PRKG1: variants seen among roughly 807,000 people sequenced by gnomAD.
The protein encoded by PRKG1 is cGMP-dependent protein kinase 1.
A neutral mutation model predicts 88.1 loss-of-function variants in PRKG1; 35 were observed. That is an observed-to-expected ratio of 0.40 (90% CI 0.30 to 0.53). PRKG1 has a LOEUF of 0.53. PRKG1 is among the 20% of genes least tolerant of loss of function. PRKG1 has a pLI of 0.59. For synonymous variants in PRKG1, 303 were observed against 292.5 expected (o/e 1.04, Z -0.37); for missense variants, 540 against 839.8 (o/e 0.64, Z 4.41).
intron 2 of PRKG1, among the ~76,000 whole-genome samples, chr10:51,429,332 A>G (rs530661339): frequency 6.6e-6 from 1 of 152,326 alleles, no homozygotes; most frequent in South Asian, 2.1e-4. Flanking sequence ...ATCACTGCCA[A>G]CAATAAAATA....
intron 10 of PRKG1, among the ~76,000 whole-genome samples, chr10:52,263,886 A>G (rs974243692): frequency 1.3e-5 from 2 of 152,002 alleles, no homozygotes; most frequent in Non-Finnish European, 2.9e-5. Context: ...TCTACTTTCT[A>G]TCTCTCAAGA....
At chr10:51,163,637 C>A (rs1360679564) in intron 2 of PRKG1, among the ~76,000 whole-genome samples, 1 of 152,188 alleles carries the variant, frequency 6.6e-6, no homozygotes, top group Non-Finnish European at 1.5e-5. Context: ...GTTCCCTTTC[C>A]TAGTCAAAGA....
At chr10:52,190,968 ATAT>A (rs1015979201) in intron 9 of PRKG1, among the ~76,000 whole-genome samples, 1 of 152,168 alleles carries the variant, frequency 6.6e-6, no homozygotes, top group Non-Finnish European at 1.5e-5. Flanking sequence ...CATAATCACA[ATAT>A]TATTATCACA....
At chr10:52,222,935 T>G (rs558555434) in intron 9 of PRKG1, among the ~76,000 whole-genome samples, 15 of 152,304 alleles carry the variant, frequency 9.8e-5, no homozygotes, top group Admixed American at 8.5e-4. Flanking sequence ...TGTCATTCTT[T>G]TGGAACATTT....
intron 3 of PRKG1, among the ~76,000 whole-genome samples, chr10:51,701,702 A>G (rs1454213124): frequency 6.6e-6 from 1 of 152,172 alleles, no homozygotes; most frequent in Admixed American, 6.5e-5. Flanking sequence ...GTAACTTACA[A>G]GTTGAATATG....
chr10:52,260,728 T>TAAC (rs35354179), intron 10 of PRKG1, among the ~76,000 whole-genome samples: 4 of 3,130 alleles, frequency 1.3e-3, no homozygotes, highest in Non-Finnish European at 3.0e-3. Context: ...GTGAAAAAAA[T>TAAC]AAAGTGTATT....
intron 2 of PRKG1, among the ~76,000 whole-genome samples, chr10:51,367,283 T>C (rs34609371): frequency 0.066 from 9,997 of 152,048 alleles, 469 homozygotes; most frequent in Middle Eastern, 0.13. Context: ...AAAGAAAACA[T>C]TGAAATTCCA....
intron 4 of PRKG1, among the ~76,000 whole-genome samples, chr10:51,877,713 A>G (rs1199074833): frequency 1.3e-5 from 2 of 152,238 alleles, no homozygotes; most frequent in Non-Finnish European, 2.9e-5. Flanking sequence ...TTACACCAAG[A>G]GGATTTTTCT....
In PRKG1 at chr10:52,105,820, A is replaced by T. The variant is rs570997616; in HGVS notation, c.936-28020A>T. Among the ~76,000 whole-genome samples the T allele has an allele frequency of 2.0e-5, 3 of 149,434 alleles. No homozygotes were observed. The South Asian group carries it at 6.4e-4, about 32-fold the overall frequency. On this transcript the variant is annotated intron_variant, in intron 7 of 17. Transcript: ENST00000373980. ...TTTGTTTCTTTTCAATGCTTCTTTT[A>T]TTTTTTTTTATTTCAATAGTTTTTT...
Position 51,620,488 on chromosome 10 carries a change from A to C in PRKG1, c.592+152652A>C, listed in dbSNP as rs184377188. 6.6e-5 allele frequency among the ~76,000 whole-genome samples: 10 copies of C among 152,122 alleles called. No individual in the cohort carries two copies. In the East Asian group the frequency reaches 1.4e-3, roughly 21 times the overall value. The stretch of plus-strand genomic sequence containing the variant: ...TCCTAGGTAATGGAAAAATACAGTG[A>C]TGATGATATAACCATCATCTCTCCT... On this transcript the variant is annotated intron_variant, in intron 3 of 17. Transcript: ENST00000373980.
intron 5 of PRKG1, chr10:51,910,816 A>G (rs1428104784): frequency 6.6e-6 from 1 of 152,268 alleles, no homozygotes; most frequent in Non-Finnish European, 1.5e-5. Context: ...AAACAGGGCA[A>G]GGAGGAGACA....
intron 3 of PRKG1, among the ~76,000 whole-genome samples, chr10:51,479,072 A>T (rs1310221884): frequency 6.6e-6 from 1 of 152,030 alleles, no homozygotes; most frequent in Non-Finnish European, 1.5e-5. Context: ...GAAAGATGTA[A>T]TCTTTTATTT....
chr10:51,042,509 A>G (rs896031838), intron 1 of PRKG1, among the ~76,000 whole-genome samples: 4 of 152,214 alleles, frequency 2.6e-5, no homozygotes, highest in Non-Finnish European at 5.9e-5. Flanking sequence ...TCAACAAGTT[A>G]CTTAACCTTT....
intron 3 of PRKG1, among the ~76,000 whole-genome samples, chr10:51,501,357 T>A (rs1841018458): frequency 6.6e-6 from 1 of 152,168 alleles, no homozygotes; most frequent in Admixed American, 6.6e-5. Context: ...GTGCTTGGAC[T>A]GAATCTAGAT....
chr10:51,267,427 T>A (rs955095607), intron 2 of PRKG1, among the ~76,000 whole-genome samples: 3 of 152,232 alleles, frequency 2.0e-5, no homozygotes, highest in African/African-American at 7.2e-5. Flanking sequence ...TAGGTGTCTT[T>A]CAGTTTTTAC....
At position 51,698,029 on chromosome 10, in the gene PRKG1, A is replaced by G. The variant is rs1485203465; in HGVS notation, c.593-106556A>G. ...TTCCTTGTATGCCTGTACCCTGCAT[A>G]CCAGCTCCAGGATTCCCCACCCCTG... On this transcript the variant is annotated intron_variant, in intron 3 of 17. Coordinates refer to ENST00000373980, the MANE Select transcript of PRKG1 (RefSeq NM_006258.4). 7 of 1,613,858 alleles carry G rather than the reference A, an allele frequency of 4.3e-6. No homozygotes were observed. In the Admixed American group the frequency reaches 1.2e-4, roughly 27 times the overall value.
intron 2 of PRKG1, among the ~76,000 whole-genome samples, chr10:51,241,859 GT>G (rs1427988215): frequency 2.0e-5 from 3 of 151,822 alleles, no homozygotes; most frequent in Non-Finnish European, 4.4e-5. Flanking sequence ...CCATCCAGTA[GT>G]CCAAAGCCAA....
intron 3 of PRKG1, among the ~76,000 whole-genome samples, chr10:51,602,407 T>G (rs1838629718): frequency 6.6e-6 from 1 of 152,122 alleles, no homozygotes; most frequent in African/African-American, 2.4e-5. Flanking sequence ...CTGTTCATTC[T>G]GTTTTATCCT....
At chr10:51,971,894 C>T (rs1443070032) in intron 5 of PRKG1, among the ~76,000 whole-genome samples, 1 of 152,160 alleles carries the variant, frequency 6.6e-6, no homozygotes, top group Non-Finnish European at 1.5e-5. Context: ...TTCACACATG[C>T]AATAACACAG....
Sources: allele counts gnomAD v4.1 joint callset (sites outside exome capture counted in the v4.1 genomes callset), GRCh38; gene constraint gnomAD v4.1.1; transcripts MANE v1.5; gene names NCBI Gene and HGNC (gene_info 2026-07-23, HGNC 2026-07-21).